Variants in CYB561 observed in about 807,000 individuals in gnomAD.
CYB561 encodes transmembrane ascorbate-dependent reductase CYB561.
In CYB561, 11 loss-of-function variants were observed where a neutral mutation model predicts 25.3. That is an observed-to-expected ratio of 0.44 (90% confidence interval 0.27 to 0.72). The LOEUF (loss-of-function observed/expected upper bound fraction) is 0.72. Ranked by LOEUF, CYB561 falls within the 30% of genes least tolerant of loss-of-function variation. CYB561 has a pLI of 0.18. For missense variants in CYB561, 295 were observed against 334.9 expected (o/e 0.88, Z 0.93); for synonymous variants, 165 against 158.8 (o/e 1.04, Z -0.29).
Position 63,433,110 on chromosome 17 carries a change from G to C in CYB561, c.*1292C>G, listed in dbSNP as rs995239345. On this transcript the variant is annotated 3_prime_UTR_variant, in exon 6 of 6. Transcript: ENST00000360793. The stretch of plus-strand genomic sequence containing the variant: ...GGCTGGAGTGCAATCTCAGCTCACT[G>C]CAAGCGCCATCTCCCGGGTTCACAC... 3.1e-6 allele frequency: 1 copy of C among 321,384 alleles called. No homozygotes were observed. The highest frequency in any genetic ancestry group is 2.1e-5 in the African/African-American group (1 of 46,620). The allele number at this position is 321,384 out of a possible 1,614,324, so 19.9% of individuals were successfully genotyped here.
Position 63,434,002 on chromosome 17 carries a change from T to G in CYB561, c.*400A>C. 1 of 213,886 alleles carries G rather than the reference T, an allele frequency of 4.7e-6. No homozygotes were observed. The highest frequency in any genetic ancestry group is 9.2e-6 in the Non-Finnish European group (1 of 108,972). The allele number at this position is 213,886 out of a possible 1,614,324, so 13.2% of individuals were successfully genotyped here. On this transcript the variant is annotated 3_prime_UTR_variant, in exon 6 of 6. Transcript: ENST00000360793. ...ACTCCTTGTTTGAATTCAGCAGCCA[T>G]CGTGGCCTTTCCAGGCCTGTCCCTG...
chr17:63,434,523 C>T lies in CYB561; in HGVS notation c.635G>A (p.Gly212Asp), dbSNP rs2147487937. 1 of 1,613,574 alleles carries T rather than the reference C, an allele frequency of 6.2e-7. No individual in the cohort carries two copies. Among genetic ancestry groups the T allele is most frequent in the East Asian group, 2.2e-5 (1 of 44,888 alleles). ...GGTCAAGATGTAGAGCACCGCCCCACCGAAGCAGGCCAGCAGCAGGCCCAG... is the reference window on the plus strand; with the variant it reads ...GGTCAAGATGTAGAGCACCGCCCCATCGAAGCAGGCCAGCAGCAGGCCCAG... ...NVLGLLLACF[G>D]GAVLYILTRA... The change falls in exon 6 of 6, where the codon GGT becomes GAT. Residue 212 changes from glycine to aspartate, a missense_variant. Physicochemically the swap from Gly to Asp is moderately conservative, Grantham distance 94. Coordinates refer to ENST00000360793, the MANE Select transcript of CYB561 (RefSeq NM_001915.4).
intron 1 of CYB561, 167 bp from the exon 2 acceptor site, chr17:63,437,727 A>C: frequency 2.7e-6 from 1 of 374,260 alleles, no homozygotes. Flanking sequence ...CCCCCCAGAT[A>C]TGCACAGCCC....
chr17:63,436,398 G>A lies in CYB561; in HGVS notation c.203-246C>T, dbSNP rs1182602758. 4.2e-6 allele frequency: 2 copies of A among 471,338 alleles called. No homozygotes were observed. The highest frequency in any genetic ancestry group is 3.9e-5 in the East Asian group (1 of 25,700). The allele number at this position is 471,338 out of a possible 1,614,324, so 29.2% of individuals were successfully genotyped here. On this transcript the variant is annotated intron_variant, in intron 2 of 5. Coordinates refer to ENST00000360793, the MANE Select transcript of CYB561 (RefSeq NM_001915.4). This position sits in a 1 kb window ranked among gnomAD's most constrained non-coding sequence, Gnocchi z 4.8. ...CTCCCCCACCCTCCAACCTCCCCCA[G>A]CTGTGCACAAAGAGGGCAGGGCCGG...
At chr17:63,443,185 G>T (rs2049393694) in intron 1 of CYB561, among the ~76,000 whole-genome samples, 1 of 152,154 alleles carries the variant, frequency 6.6e-6, no homozygotes, top group Non-Finnish European at 1.5e-5. Context: ...CACCCCAGTA[G>T]CCCCAGGAAG....
chr17:63,438,357 G>A (rs2049337892), intron 1 of CYB561: 3 of 690,318 alleles, frequency 4.3e-6, no homozygotes, highest in Middle Eastern at 5.5e-4. Context: ...CGGGAGAAAT[G>A]GGAAGTCTCC....
chr17:63,444,547 C>T (rs2049405359), intron 1 of CYB561, among the ~76,000 whole-genome samples: 1 of 152,172 alleles, frequency 6.6e-6, no homozygotes, highest in African/African-American at 2.4e-5. Context: ...ACTGCTGACA[C>T]ATGAGGTTTG....
rs778614516 is a variant in CYB561, at chr17:63,437,520, G to C, written c.28C>G (p.Pro10Ala). 1.2e-6 allele frequency: 2 copies of C among 1,612,394 alleles called. No individual in the cohort carries two copies. Among genetic ancestry groups the C allele is most frequent in the African/African-American group, 1.3e-5 (1 of 74,924 alleles). ...GCCACGTAGTAAGGCAGTGCTGTGG[G>C]GGTGGCTGCCGCGGCCCCGCCCTCC... MEGGAAAAT[P>A]TALPYYVAFS... Residue 10 changes from proline to alanine, a missense_variant, in exon 2 of 6, where the codon CCC becomes GCC. By Grantham distance (27) the Pro-to-Ala change is conservative (BLOSUM62 -1). Transcript: ENST00000360793.
chr17:63,439,598 CAGTAG>C (rs1425255968), intron 1 of CYB561, among the ~76,000 whole-genome samples: 1 of 151,906 alleles, frequency 6.6e-6, no homozygotes, highest in Non-Finnish European at 1.5e-5. Flanking sequence ...ACACGCACTG[CAGTAG>C]AATATGGATC....
At chr17:63,435,551 GC>G in intron 4 of CYB561, 136 bp downstream of exon 4, 1 of 807,168 alleles carries the variant, frequency 1.2e-6, no homozygotes, top group Non-Finnish European at 2.1e-6. Context: ...ACCCGCACAG[GC>G]CTGGGAAGGC....
chr17:63,435,049 G>A (rs2049279268), intron 5 of CYB561, 37 bp downstream of exon 5: 1 of 1,594,214 alleles, frequency 6.3e-7, no homozygotes, highest in South Asian at 1.1e-5. Context: ...GTGCAAGGGT[G>A]GCCCAGGCCC....
intron 2 of CYB561, 147 bp downstream of exon 2, chr17:63,437,198 AG>A: frequency 1.5e-6 from 1 of 665,872 alleles, no homozygotes; most frequent in Non-Finnish European, 2.6e-6. Context: ...CCATCTCCCC[AG>A]GCTCTGAACC....
intron 1 of CYB561, among the ~76,000 whole-genome samples, chr17:63,441,327 A>G (rs2049373386): frequency 6.6e-6 from 1 of 152,232 alleles, no homozygotes; most frequent in African/African-American, 2.4e-5. Flanking sequence ...TCACCCTTAA[A>G]TGACACTGTG....
chr17:63,434,625 C>T, intron 5 of CYB561, 31 bp from the exon 6 acceptor site: 1 of 1,583,592 alleles, frequency 6.3e-7, no homozygotes, highest in Non-Finnish European at 8.6e-7. Context: ...GAGAAGCTGC[C>T]CAAGGGGTCA....
intron 1 of CYB561, among the ~76,000 whole-genome samples, chr17:63,442,525 T>C (rs2049384928): frequency 6.6e-6 from 1 of 152,158 alleles, no homozygotes; most frequent in African/African-American, 2.4e-5. Context: ...CGGCTGTTCT[T>C]GGGCCCTCTG....
chr17:63,438,208 C>G, intron 1 of CYB561: 1 of 1,535,474 alleles, frequency 6.5e-7, no homozygotes. Context: ...GCCCAGTGCC[C>G]GGCTTTGTTT....
chr17:63,434,770 C>T (rs1407520021), intron 5 of CYB561, 176 bp from the exon 6 acceptor site: 4 of 632,784 alleles, frequency 6.3e-6, no homozygotes, highest in East Asian at 5.5e-5. Context: ...CCAGCTATGG[C>T]TCACAGACAA....
chr17:63,438,210 G>A (rs188533631), intron 1 of CYB561: 2 of 1,535,502 alleles, frequency 1.3e-6, no homozygotes, highest in South Asian at 1.2e-5. Flanking sequence ...CCAGTGCCCG[G>A]CTTTGTTTTC....
At chr17:63,444,914 G>C (rs1208310838) in intron 1 of CYB561, among the ~76,000 whole-genome samples, 1 of 152,206 alleles carries the variant, frequency 6.6e-6, no homozygotes, top group Non-Finnish European at 1.5e-5. Flanking sequence ...GGTGGCTCAC[G>C]TCTGTAATCC....
Sources: gnomAD v4.1 joint callset for allele counts (sites outside exome capture counted in the v4.1 genomes callset) on GRCh38, gnomAD v4.1.1 for gene constraint, Gnocchi (gnomAD v3.1) non-coding constraint, MANE v1.5 for transcripts, NCBI Gene and HGNC (gene_info 2026-07-23, HGNC 2026-07-21) for gene names.